The following PLCB1 variants were observed in gnomAD, a reference collection of about 807,000 sequenced individuals.
PLCB1 encodes phospholipase C beta 1.
PLCB1 carries 46 observed loss-of-function variants against 161.8 expected under a neutral mutation model. The ratio of observed to expected loss-of-function variants is 0.28; its 90% CI spans 0.22 to 0.36. The LOEUF is 0.36. Among genes scored for constraint, PLCB1 ranks in the 10% least tolerant of loss-of-function variants. PLCB1 has a pLI of 1.00. For synonymous variants in PLCB1, 517 were observed against 503.7 expected (o/e 1.03, Z -0.35); for missense variants, 1,016 against 1,472.5 (o/e 0.69, Z 5.07).
chr20:8,147,692 G>A (rs1163573668), intron 1 of PLCB1, among the ~76,000 whole-genome samples: 2 of 152,110 alleles, frequency 1.3e-5, no homozygotes, highest in Admixed American at 6.5e-5. Flanking sequence ...AAGGAAGCGG[G>A]CAGGGAGCCG....
At chr20:8,849,713 TA>T (rs35680138) in intron 31 of PLCB1, among the ~76,000 whole-genome samples, 48,491 of 145,586 alleles carry the variant, frequency 0.33, 8,726 homozygotes, top group East Asian at 0.64. Context: ...AAAGAAAATA[TA>T]AAAAAAAGAA....
Position 8,837,879 on chromosome 20 carries a change from C to T in PLCB1, c.3424-43743C>T, listed in dbSNP as rs1445968963. ...CAGGGTGGCAGGGGCCAAGTGGCAG[C>T]ACTCGACCGTCAAAGGCAATGTGGC... On this transcript the variant is annotated intron_variant, in intron 31 of 31. Transcript: ENST00000338037. Among the ~76,000 whole-genome samples the T allele has an allele frequency of 3.3e-5, 5 of 152,296 alleles. No homozygotes were observed. In the East Asian group the frequency reaches 9.6e-4, roughly 29 times the overall value.
At chr20:8,327,977 A>G (rs2122181996) in intron 2 of PLCB1, among the ~76,000 whole-genome samples, 1 of 152,298 alleles carries the variant, frequency 6.6e-6, no homozygotes, top group East Asian at 1.9e-4. Flanking sequence ...ATGCACATAT[A>G]TAAACACACA....
chr20:8,775,171 TA>T (rs1216470831), intron 27 of PLCB1, among the ~76,000 whole-genome samples: 2 of 150,404 alleles, frequency 1.3e-5, no homozygotes, highest in African/African-American at 4.9e-5. Flanking sequence ...AGTCAGTACC[TA>T]AATGGCCAAC....
chr20:8,852,726 A>G (rs4816097), intron 31 of PLCB1, among the ~76,000 whole-genome samples: 49,342 of 152,104 alleles, frequency 0.32, 8,901 homozygotes, highest in East Asian at 0.63. Flanking sequence ...TTTGCTCTCC[A>G]ATTTTCTCAA....
chr20:8,290,431 T>C (rs906910954), intron 2 of PLCB1, among the ~76,000 whole-genome samples: 8 of 152,018 alleles, frequency 5.3e-5, no homozygotes, highest in African/African-American at 1.9e-4. Context: ...ATCTATGGAG[T>C]TGTCTAGGAG....
In PLCB1 at chr20:8,262,046, T is replaced by A. The variant is rs184325584; in HGVS notation, c.178-109336T>A. On this transcript the variant is annotated intron_variant, in intron 2 of 31. Coordinates refer to ENST00000338037, the MANE Select transcript of PLCB1 (RefSeq NM_015192.4). ...ATTCCTTCCCTTCATTTTTTGTTTT[T>A]ATGTGCGTTTTTGTTTGTTTGTTTG... Among the ~76,000 whole-genome samples the A allele has an allele frequency of 3.5e-4, 54 of 152,202 alleles. 1 individual carries two copies. Among genetic ancestry groups the A allele is most frequent in the African/African-American group, 1.3e-3 (53 of 41,546 alleles).
intron 3 of PLCB1, among the ~76,000 whole-genome samples, chr20:8,589,537 A>T (rs1987085516): frequency 6.6e-6 from 1 of 151,706 alleles, no homozygotes; most frequent in South Asian, 2.1e-4. Flanking sequence ...TGGTTCGTAG[A>T]CAGAAGACCA....
intron 26 of PLCB1, among the ~76,000 whole-genome samples, chr20:8,766,622 G>A (rs889451802): frequency 6.6e-6 from 1 of 152,154 alleles, no homozygotes; most frequent in Admixed American, 6.5e-5. Context: ...AAAATGTATC[G>A]AACGTGCAAT....
intron 2 of PLCB1, among the ~76,000 whole-genome samples, chr20:8,196,013 T>A (rs1285929598): frequency 6.6e-6 from 1 of 152,030 alleles, no homozygotes; most frequent in Admixed American, 6.6e-5. Flanking sequence ...GGAGCGAGAA[T>A]GAGAGCAGAG....
chr20:8,162,256 A>T (rs1292554591), intron 2 of PLCB1, among the ~76,000 whole-genome samples: 1 of 152,180 alleles, frequency 6.6e-6, no homozygotes, highest in Non-Finnish European at 1.5e-5. Flanking sequence ...CCTTGTTTAG[A>T]TCACAGTACT....
intron 2 of PLCB1, among the ~76,000 whole-genome samples, chr20:8,340,539 C>G (rs1189623361): frequency 6.6e-6 from 1 of 152,060 alleles, no homozygotes; most frequent in Non-Finnish European, 1.5e-5. Flanking sequence ...TCTCCTGCCT[C>G]AGCCTCCCGC....
At chr20:8,374,324 A>T (rs1011220833) in intron 3 of PLCB1, among the ~76,000 whole-genome samples, 5 of 152,174 alleles carry the variant, frequency 3.3e-5, no homozygotes, top group Non-Finnish European at 7.3e-5. Context: ...GTCTTCCAGC[A>T]TGATTGTAAG....
intron 3 of PLCB1, among the ~76,000 whole-genome samples, chr20:8,473,564 G>A (rs1216637353): frequency 1.3e-5 from 2 of 152,138 alleles, no homozygotes; most frequent in Non-Finnish European, 2.9e-5. Context: ...TGACAATCCA[G>A]CCTTGTTAGT....
At chr20:8,173,588 G>A (rs1188546239) in intron 2 of PLCB1, among the ~76,000 whole-genome samples, 2 of 152,108 alleles carry the variant, frequency 1.3e-5, no homozygotes. Context: ...AAAACGTCCA[G>A]GATACAACTG....
intron 9 of PLCB1, among the ~76,000 whole-genome samples, chr20:8,677,773 A>G (rs970331090): frequency 9.9e-5 from 15 of 152,210 alleles, no homozygotes; most frequent in Non-Finnish European, 1.9e-4. Flanking sequence ...TACTGTGTCC[A>G]GCAAAACTAG....
chr20:8,808,149 T>A (rs1404739973), intron 31 of PLCB1, among the ~76,000 whole-genome samples: 2 of 152,206 alleles, frequency 1.3e-5, no homozygotes, highest in African/African-American at 4.8e-5. Flanking sequence ...ATCATTTGCA[T>A]GTTGTGTTAC....
intron 23 of PLCB1, among the ~76,000 whole-genome samples, chr20:8,744,170 T>TA (rs199948973): frequency 4.4e-4 from 64 of 145,292 alleles, no homozygotes; most frequent in East Asian, 4.0e-3. Flanking sequence ...AAATAAAAGC[T>TA]AAAAAAAAAA....
chr20:8,276,938 CTTCTTCTTCTTCTTCT>C (rs1982583415), intron 2 of PLCB1, among the ~76,000 whole-genome samples: 1 of 41,476 alleles, frequency 2.4e-5, no homozygotes, highest in African/African-American at 6.7e-5. Flanking sequence ...TCTTCTTCTT[CTTCTTCTTCTTCTTCT>C]TCTTCTTCTT....
Sources: gnomAD v4.1 joint callset for allele counts (sites outside exome capture counted in the v4.1 genomes callset) on GRCh38, gnomAD v4.1.1 for gene constraint, MANE v1.5 for transcripts, NCBI Gene and HGNC (gene_info 2026-07-23, HGNC 2026-07-21) for gene names.